AMOTL2: variants seen among roughly 807,000 people sequenced by gnomAD.
AMOTL2 encodes the protein angiomotin like 2, also known as angiomotin-like protein 2.
Under a neutral mutation model 78.4 loss-of-function variants are expected in AMOTL2, and 33 were observed. The ratio of observed to expected loss-of-function variants is 0.42; its 90% confidence interval spans 0.32 to 0.56. The LOEUF is 0.56. Among genes scored for constraint, AMOTL2 ranks in the 20% least tolerant of loss-of-function variants. The probability of loss-of-function intolerance (pLI) is 0.12; values close to 1 mark genes in which losing one functional copy is unlikely to be tolerated. For missense variants in AMOTL2, 983 were observed against 1,030.1 expected (o/e 0.95, Z 0.63); for synonymous variants, 422 against 428.8 (o/e 0.98, Z 0.20).
At chr3:134,375,313 T>C (rs1002847219), upstream of AMOTL2, 3 of 1,366,818 alleles carry the variant, frequency 2.2e-6, no homozygotes, top group South Asian at 3.7e-5. Flanking sequence ...GATTCAGCCC[T>C]GCCAAGCACC....
At position 134,355,605 on chromosome 3, in the gene AMOTL2, C is replaced by T. The variant is rs926104980; in HGVS notation, c.*2100G>A. On this transcript the variant is annotated 3_prime_UTR_variant, in exon 10 of 10. Transcript: ENST00000249883. ...ACTGTGGATAACCACAGCGTGTGGC[C>T]GAACAAAGCTGATTAGAACACAGCC... Among the ~76,000 whole-genome samples the T allele has an allele frequency of 2.0e-5, 3 of 152,138 alleles. No individual in the cohort carries two copies. Among genetic ancestry groups the T allele is most frequent in the Non-Finnish European group, 4.4e-5 (3 of 68,024 alleles).
upstream of AMOTL2, chr3:134,374,837 C>T: frequency 8.6e-7 from 1 of 1,161,110 alleles, no homozygotes; most frequent in Non-Finnish European, 1.1e-6. Context: ...CTAAACCCAT[C>T]GACGGGACGA....
chr3:134,357,338 C>G lies in AMOTL2; in HGVS notation c.*367G>C, dbSNP rs3732853. 7 of 242,604 alleles carry G rather than the reference C, an allele frequency of 2.9e-5. No homozygotes were observed. Among genetic ancestry groups the G allele is most frequent in the Middle Eastern group, 1.5e-3 (1 of 674 alleles). 15.0% of individuals were successfully genotyped at this position (242,604 alleles called of 1,614,324 possible). On this transcript the variant is annotated 3_prime_UTR_variant, in exon 10 of 10. Transcript: ENST00000249883. ...TGGAAATTAGTTCCCCAAACCAACA[C>G]AGCCACTCCCTCCCTGCCTGACTGA...
chr3:134,367,916 TC>T, intron 2 of AMOTL2, 113 bp from the exon 3 acceptor site: 3 of 783,282 alleles, frequency 3.8e-6, no homozygotes, highest in Non-Finnish European at 6.1e-6. Flanking sequence ...TTAATTATTA[TC>T]AATAATTAAT....
At chr3:134,375,109 C>T, upstream of AMOTL2, 2 of 1,512,734 alleles carry the variant, frequency 1.3e-6, no homozygotes, top group Non-Finnish European at 1.8e-6. Context: ...TTACAAACAC[C>T]TTCGCCAGCT....
At chr3:134,361,468 A>G in intron 6 of AMOTL2, 44 bp downstream of exon 6, 1 of 1,533,666 alleles carries the variant, frequency 6.5e-7, no homozygotes, top group Non-Finnish European at 8.8e-7. Flanking sequence ...AGGGAAGCCA[A>G]CATCCTCAGA....
Position 134,371,135 on chromosome 3 carries a change from T to A in AMOTL2, c.299A>T (p.Lys100Met), listed in dbSNP as rs1330740951. ...CTCATAGGTGGGCAGCTCCTCTCCC[T>A]TGCTGGGCTGTGGGCATAGCCGGTA... ...TLYRLCPQPS[K>M]GEELPTYEEA... The change falls in exon 2 of 10, where the codon AAG becomes ATG. Residue 100 changes from lysine to methionine, a missense_variant. Coordinates refer to ENST00000249883, the MANE Select transcript of AMOTL2 (RefSeq NM_016201.4). 4 of 1,613,668 alleles carry A rather than the reference T, an allele frequency of 2.5e-6. No homozygotes were observed. The highest frequency in any genetic ancestry group is 3.4e-6 in the Non-Finnish European group (4 of 1,179,886).
intron 1 of AMOTL2, chr3:134,371,714 A>G: frequency 1.5e-6 from 1 of 686,812 alleles, no homozygotes; most frequent in Non-Finnish European, 2.2e-6. Flanking sequence ...TCCACCAGAA[A>G]AATGCAAAGA....
At chr3:134,372,521 A>T (rs2017907771) in intron 1 of AMOTL2, among the ~76,000 whole-genome samples, 1 of 144,356 alleles carries the variant, frequency 6.9e-6, no homozygotes, top group East Asian at 2.1e-4. Context: ...TTTTATGATT[A>T]TCCTCCCCAA....
At chr3:134,361,831 C>G (rs1332893986) in intron 5 of AMOTL2, 24 bp from the exon 6 acceptor site, 1 of 1,500,378 alleles carries the variant, frequency 6.7e-7, no homozygotes, top group Admixed American at 2.1e-5. Flanking sequence ...GAGGCTTGAT[C>G]AGTGACAGTG....
intron 9 of AMOTL2, 81 bp downstream of exon 9, chr3:134,358,459 A>C: frequency 2.0e-6 from 3 of 1,487,276 alleles, no homozygotes; most frequent in African/African-American, 1.4e-5. Context: ...GGGTCTGGGA[A>C]GAAAAGGCCT....
chr3:134,369,429 C>G (rs2017755848), intron 2 of AMOTL2, among the ~76,000 whole-genome samples: 1 of 152,196 alleles, frequency 6.6e-6, no homozygotes, highest in African/African-American at 2.4e-5. Flanking sequence ...CTCCTGCAAA[C>G]AGTCTACTTC....
chr3:134,360,590 G>A (rs2017314354), intron 6 of AMOTL2, among the ~76,000 whole-genome samples, 177 bp from the exon 7 acceptor site: 1 of 152,166 alleles, frequency 6.6e-6, no homozygotes, highest in Admixed American at 6.5e-5. Context: ...CCATACCCCT[G>A]CCCTGAATCC....
At chr3:134,375,130 C>T (rs929115630), upstream of AMOTL2, 295 of 1,526,002 alleles carry the variant, frequency 1.9e-4, no homozygotes, top group Admixed American at 2.4e-4. Flanking sequence ...ATTTTACGAC[C>T]GTCTCGACAG....
chr3:134,362,364 T>C (rs1037268161), intron 5 of AMOTL2, among the ~76,000 whole-genome samples: 27 of 152,066 alleles, frequency 1.8e-4, no homozygotes, highest in African/African-American at 6.5e-4. Flanking sequence ...CCCCAACTTA[T>C]AGGGGAGAAA....
At chr3:134,370,413 AC>A (rs2017796773) in intron 2 of AMOTL2, among the ~76,000 whole-genome samples, 1 of 151,944 alleles carries the variant, frequency 6.6e-6, no homozygotes, top group Admixed American at 6.6e-5. Context: ...CTAACCTTTA[AC>A]CCCCTGCTGC....
chr3:134,361,728 C>A lies in AMOTL2; in HGVS notation c.1359G>T (p.Arg453=), dbSNP rs771916390. Residue 453 remains arginine, a synonymous_variant, in exon 6 of 10, where the codon CGG becomes CGT. Coordinates refer to ENST00000249883, the MANE Select transcript of AMOTL2 (RefSeq NM_016201.4). ...LLRGAIEDQR[R]RAELLEQALG... is the part of the protein sequence containing the mutation. Reference sequence around the variant, plus strand: ...GAGCCTGCTCCAGCAGCTCGGCACGCCGCCGCTGGTCCTCGATGGCGCCGC... The same window carrying A: ...GAGCCTGCTCCAGCAGCTCGGCACGACGCCGCTGGTCCTCGATGGCGCCGC... 2.5e-6 allele frequency: 4 copies of A among 1,607,902 alleles called. No individual in the cohort carries two copies. Among genetic ancestry groups the A allele is most frequent in the Non-Finnish European group, 1.7e-6 (2 of 1,177,488 alleles).
In AMOTL2 at chr3:134,357,747, G is replaced by C. The variant is rs777056670; in HGVS notation, c.2301C>G (p.Ser767=). The part of the protein sequence containing the change: ...RAASLDSVAT[S]RVQDLSDMVE... ...CCATGTCTGACAAGTCCTGGACTCT[G>C]GATGTAGCTACAGAGTCTGGAGACA... The change falls in exon 10 of 10, where the codon TCC becomes TCG. Residue 767 remains serine (S), a synonymous_variant. Coordinates refer to ENST00000249883, the MANE Select transcript of AMOTL2 (RefSeq NM_016201.4). The C allele has an allele frequency of 6.8e-6, 11 of 1,614,076 alleles. No homozygotes were observed. Among genetic ancestry groups the C allele is most frequent in the Admixed American group, 1.7e-5 (1 of 60,006 alleles).
intron 2 of AMOTL2, among the ~76,000 whole-genome samples, chr3:134,368,071 G>A (rs1210959391): frequency 1.3e-5 from 2 of 152,190 alleles, no homozygotes; most frequent in East Asian, 1.9e-4. Flanking sequence ...CAGGATGCTT[G>A]TTTCATACCC....
Sources: allele counts gnomAD v4.1 joint callset (sites outside exome capture counted in the v4.1 genomes callset), GRCh38; gene constraint gnomAD v4.1.1; transcripts MANE v1.5; gene names NCBI Gene and HGNC (gene_info 2026-07-23, HGNC 2026-07-21).